The following DYRK1B variants were observed in gnomAD, a reference collection of about 807,000 sequenced individuals.
The protein encoded by DYRK1B is dual specificity tyrosine-phosphorylation-regulated kinase 1B.
Under a neutral mutation model 57.1 loss-of-function variants are expected in DYRK1B, and 20 were observed. That is an observed-to-expected ratio of 0.35 (90% CI 0.25 to 0.51). DYRK1B has a LOEUF of 0.51. DYRK1B is among the 20% of genes least tolerant of loss of function. The pLI is 0.96. For synonymous variants in DYRK1B, 409 were observed against 384.7 expected, an observed-to-expected ratio of 1.06 and a Z score of -0.74; for missense variants, 732 against 886.3, an observed-to-expected ratio of 0.83 and a Z score of 2.21.
chr19:39,831,156 C>T (rs1315909734), intron 2 of DYRK1B, among the ~76,000 whole-genome samples: 2 of 152,090 alleles, frequency 1.3e-5, no homozygotes, highest in African/African-American at 2.4e-5. Context: ...CTCTGAAGTA[C>T]CTCTATCTCA....
chr19:39,830,890 G>A lies in DYRK1B; in HGVS notation c.64-107C>T, dbSNP rs1968781727. 11 of 1,334,342 alleles carry A rather than the reference G, an allele frequency of 8.2e-6. No individual in the cohort carries two copies. The South Asian group carries it at 1.3e-4, about 16-fold the overall frequency. The allele number at this position is 1,334,342 out of a possible 1,614,324, so 82.7% of individuals were successfully genotyped here. ...CACATCATGTATTTGGTTGCTGTCT[G>A]TATTTGTTCCACCTGTCTAGGAAAG... On this transcript the variant is annotated intron_variant, in intron 2 of 10. Coordinates refer to ENST00000323039, the MANE Select transcript of DYRK1B (RefSeq NM_004714.3).
In DYRK1B at chr19:39,826,249, G is replaced by C. The variant is rs755397912; in HGVS notation, c.1449C>G (p.Tyr483Ter). ...SSGSSSDNRT[Y>*]RYSNRYCGGP... is the part of the protein sequence containing the mutation. ...CCCCACAATATCGGTTGCTGTAGCG[G>C]TAGGTCCGGTTGTCACTGGAGGAGC... The change falls in exon 10 of 11, where the codon TAC (tyrosine) becomes TAG (stop). Residue 483 changes from tyrosine to a stop codon, truncating the protein, a stop_gained. Coordinates refer to ENST00000323039, the MANE Select transcript of DYRK1B (RefSeq NM_004714.3). LOFTEE classifies it high-confidence loss of function. This position sits in a 1 kb window ranked among gnomAD's most constrained non-coding sequence, Gnocchi z 6.3. 2 of 1,597,398 alleles carry C rather than the reference G, an allele frequency of 1.3e-6. No homozygotes were observed. Among genetic ancestry groups the C allele is most frequent in the African/African-American group, 2.7e-5 (2 of 73,702 alleles).
chr19:39,827,259 G>T, intron 8 of DYRK1B, 26 bp downstream of exon 8: 1 of 1,591,632 alleles, frequency 6.3e-7, no homozygotes, highest in Non-Finnish European at 8.6e-7. Flanking sequence ...CGGGGTGGGA[G>T]GAGTGGCATG....
chr19:39,827,782 C>A, intron 6 of DYRK1B, 126 bp from the exon 7 acceptor site: 1 of 1,219,500 alleles, frequency 8.2e-7, no homozygotes, highest in Non-Finnish European at 1.1e-6. Flanking sequence ...GGCTCCAAAT[C>A]CTGCCATTAT....
At position 39,828,638 on chromosome 19, in the gene DYRK1B, T is replaced by TG; in HGVS notation, c.521-56dup. 1 of 1,547,568 alleles carries TG rather than the reference T, an allele frequency of 6.5e-7. No homozygotes were observed. Among genetic ancestry groups the TG allele is most frequent in the South Asian group, 1.2e-5 (1 of 81,780 alleles). On this transcript the variant is annotated intron_variant, in intron 5 of 10. Transcript: ENST00000323039. The surrounding 1 kb of genome is among the most constrained non-coding windows in gnomAD (Gnocchi z 4.3). ...GAAGAAACGGCTCAGAGAGGGCAGG[T>TG]GGTGGCCTGGGGTCATACAACGCTC... is the stretch of plus-strand genomic sequence containing the variant.
chr19:39,826,744 T>G lies in DYRK1B; in HGVS notation c.1339A>C (p.Ser447Arg). The change falls in exon 9 of 11, where the codon AGT becomes CGT. Residue 447 changes from serine (S) to arginine (R), a missense_variant. By Grantham distance (110) the Ser-to-Arg change is moderately radical. Around this residue, in one of 2 missense-constraint regions of DYRK1B, gnomAD observed 510 missense variants for 681.3 expected, o/e 0.75. Coordinates refer to ENST00000323039, the MANE Select transcript of DYRK1B (RefSeq NM_004714.3). This position sits in a 1 kb window ranked among gnomAD's most constrained non-coding sequence, Gnocchi z 6.3. ...AGGGGCGCGGGCGAGGTGGAGGCACTGCTGCCTGCCGGGCCCGTGTTGGTG... is the reference window on the plus strand; with the variant it reads ...AGGGGCGCGGGCGAGGTGGAGGCACGGCTGCCTGCCGGGCCCGTGTTGGTG... ...EATNTGPAGS[S>R]ASTSPAPLDT... The G allele has an allele frequency of 6.3e-7, 1 of 1,594,322 alleles. No homozygotes were observed. Among genetic ancestry groups the G allele is most frequent in the Non-Finnish European group, 8.5e-7 (1 of 1,172,122 alleles).
In DYRK1B at chr19:39,827,543, G is replaced by A. The variant is rs1212493899; in HGVS notation, c.921C>T (p.His307=). 11 of 1,614,070 alleles carry A rather than the reference G, an allele frequency of 6.8e-6. No homozygotes were observed. Among genetic ancestry groups the A allele is most frequent in the African/African-American group, 1.3e-5 (1 of 75,022 alleles). Residue 307 remains histidine (H), a synonymous_variant, in exon 7 of 11, where the codon CAC becomes CAT. Transcript: ENST00000323039. ...WSLGCILVEM[H]TGEPLFSGSN... ...AGCCACTGAAGAGGGGCTCTCCGGT[G>A]TGCATCTCCACAAGGATGCAGCCCA...
At chr19:39,829,175 T>A (rs1317347158) in intron 5 of DYRK1B, among the ~76,000 whole-genome samples, 1 of 151,114 alleles carries the variant, frequency 6.6e-6, no homozygotes, top group African/African-American at 2.4e-5. Flanking sequence ...TCGTTTTTTT[T>A]TGTTGTTGTT....
chr19:39,833,175 A>T, intron 1 of DYRK1B: 3 of 984,624 alleles, frequency 3.0e-6, no homozygotes, highest in Non-Finnish European at 3.6e-6. Flanking sequence ...CCACTCCACG[A>T]CTCCTCCACC....
intron 5 of DYRK1B, 92 bp downstream of exon 5, chr19:39,829,788 T>C: frequency 6.2e-6 from 9 of 1,446,868 alleles, no homozygotes; most frequent in Non-Finnish European, 8.4e-6. Context: ...ATCAGCCTCC[T>C]CCTGAGAGTA....
At position 39,826,410 on chromosome 19, in the gene DYRK1B, T is replaced by C. The variant is rs1968542202; in HGVS notation, c.1412-124A>G. On this transcript the variant is annotated intron_variant, in intron 9 of 10. Transcript: ENST00000323039. The surrounding 1 kb of genome is among the most constrained non-coding windows in gnomAD (Gnocchi z 6.3). ...GTTCAGGCTTCAAGAGCAGAGCCCA[T>C]CTGAAGCACCGGGCCCAATTCTGAG... is the stretch of plus-strand genomic sequence containing the variant. The C allele has an allele frequency of 3.4e-6, 3 of 885,476 alleles. No individual in the cohort carries two copies. Among genetic ancestry groups the C allele is most frequent in the African/African-American group, 3.5e-5 (2 of 57,236 alleles). 54.9% of individuals were successfully genotyped at this position (885,476 alleles called of 1,614,324 possible). A position where few individuals can be genotyped will look rare whatever the true frequency, so the allele number is the denominator to read the frequency against.
Position 39,826,380 on chromosome 19 carries a change from C to G in DYRK1B, c.1412-94G>C. ...GGCTGAGGGAAGGTCACGGCCCAGG[C>G]TCAGGTTCAGGCTTCAAGAGCAGAG... On this transcript the variant is annotated intron_variant, in intron 9 of 10. Transcript: ENST00000323039. This position sits in a 1 kb window ranked among gnomAD's most constrained non-coding sequence, Gnocchi z 6.3. 9.3e-7 allele frequency: 1 copy of G among 1,075,430 alleles called. No individual in the cohort carries two copies. Among genetic ancestry groups the G allele is most frequent in the Non-Finnish European group, 1.3e-6 (1 of 761,236 alleles). The allele number at this position is 1,075,430 out of a possible 1,614,324, so 66.6% of individuals were successfully genotyped here.
At position 39,831,790 on chromosome 19, in the gene DYRK1B, C is replaced by G. The variant is rs374750100; in HGVS notation, c.63+15G>C. On this transcript the variant is annotated intron_variant, in intron 2 of 10. Transcript: ENST00000323039. ...CCCTACCACCACGCAGGTGAGGAGC[C>G]AGCTGAACGCGTACCTGCGTGTGCT... 2.6e-5 allele frequency: 41 copies of G among 1,548,974 alleles called. No homozygotes were observed. The highest frequency in any genetic ancestry group is 3.5e-5 in the Non-Finnish European group (40 of 1,146,708).
Position 39,828,625 on chromosome 19 carries a change from C to CA in DYRK1B, c.521-43dup, listed in dbSNP as rs1485453662. On this transcript the variant is annotated intron_variant, in intron 5 of 10. Transcript: ENST00000323039. This position sits in a 1 kb window ranked among gnomAD's most constrained non-coding sequence, Gnocchi z 4.3. ...GAAATGGGCCAGAGAAGAAACGGCT[C>CA]AGAGAGGGCAGGTGGTGGCCTGGGG... 6.4e-7 allele frequency: 1 copy of CA among 1,571,986 alleles called. No homozygotes were observed. The highest frequency in any genetic ancestry group is 8.7e-7 in the Non-Finnish European group (1 of 1,154,128).
At chr19:39,832,192 A>G (rs1198600244) in intron 1 of DYRK1B, among the ~76,000 whole-genome samples, 1 of 152,154 alleles carries the variant, frequency 6.6e-6, no homozygotes, top group African/African-American at 2.4e-5. Context: ...TAAATGATTA[A>G]GGCAGCACAA....
chr19:39,829,774 A>T lies in DYRK1B; in HGVS notation c.520+106T>A, dbSNP rs753899264. On this transcript the variant is annotated intron_variant, in intron 5 of 10. Transcript: ENST00000323039. ...AAGCACAGACCAAACCCTGCTCTGAAGACATCAGCCTCCTCCTGAGAGTAG... is the reference window on the plus strand; with the variant it reads ...AAGCACAGACCAAACCCTGCTCTGATGACATCAGCCTCCTCCTGAGAGTAG... The T allele has an allele frequency of 1.6e-5, 21 of 1,305,544 alleles. 1 individual carries two copies. In the South Asian group the frequency reaches 3.0e-4, roughly 19 times the overall value. 80.9% of individuals were successfully genotyped at this position (1,305,544 alleles called of 1,614,324 possible).
chr19:39,833,285 G>A, intron 1 of DYRK1B: 2 of 985,408 alleles, frequency 2.0e-6, no homozygotes, highest in South Asian at 4.7e-5. Context: ...GGGCTGGCGC[G>A]GGGCCCACGG....
Position 39,826,605 on chromosome 19 carries a change from C to G in DYRK1B, c.1411+67G>C. 3.4e-6 allele frequency: 5 copies of G among 1,462,170 alleles called. No homozygotes were observed. Among genetic ancestry groups the G allele is most frequent in the East Asian group, 2.6e-5 (1 of 39,042 alleles). The allele number at this position is 1,462,170 out of a possible 1,614,324, so 90.6% of individuals were successfully genotyped here. A position where few individuals can be genotyped will look rare whatever the true frequency, so the allele number is the denominator to read the frequency against. On this transcript the variant is annotated intron_variant, in intron 9 of 10. Coordinates refer to ENST00000323039, the MANE Select transcript of DYRK1B (RefSeq NM_004714.3). This position sits in a 1 kb window ranked among gnomAD's most constrained non-coding sequence, Gnocchi z 6.3. ...TGTGTGAAGACCCAGTAACCAGGTCCCCCAGGACAGGCCAAACCTGAGCAG... is the reference window on the plus strand; with the variant it reads ...TGTGTGAAGACCCAGTAACCAGGTCGCCCAGGACAGGCCAAACCTGAGCAG...
intron 4 of DYRK1B, 89 bp from the exon 5 acceptor site, chr19:39,830,116 C>A: frequency 6.6e-7 from 1 of 1,514,488 alleles, no homozygotes; most frequent in Non-Finnish European, 9.0e-7. Context: ...GGAGACCCAC[C>A]AAGAACACTA....
Sources: allele counts gnomAD v4.1 joint callset (sites outside exome capture counted in the v4.1 genomes callset), GRCh38; gene constraint gnomAD v4.1.1; regional missense constraint gnomAD v4.1.1; non-coding constraint Gnocchi (gnomAD v3.1); transcripts MANE v1.5; gene names NCBI Gene and HGNC (gene_info 2026-07-23, HGNC 2026-07-21).